The following PARD3 variants were observed in gnomAD, a reference collection of about 807,000 sequenced individuals.
The protein encoded by PARD3 is partitioning defective 3 homolog.
PARD3 carries 75 observed loss-of-function variants against 155.4 expected under a neutral mutation model. The ratio of observed to expected loss-of-function variants is 0.48; its 90% CI spans 0.40 to 0.58. The LOEUF (loss-of-function observed/expected upper bound fraction) is 0.58, where lower values mean the gene tolerates loss of function less well. Ranked by LOEUF, PARD3 falls within the 20% of genes least tolerant of loss-of-function variation. PARD3 has a pLI of 0.00. For missense variants in PARD3, 1,642 were observed against 1,721.7 expected (o/e 0.95, Z 0.82); for synonymous variants, 576 against 610.5 (o/e 0.94, Z 0.83).
At chr10:34,682,162 T>C (rs11009864) in intron 2 of PARD3, among the ~76,000 whole-genome samples, 3,112 of 152,278 alleles carry the variant, frequency 0.02, 106 homozygotes, top group African/African-American at 0.071. Flanking sequence ...TGCCTGATAG[T>C]GGACGGTCAT....
intron 2 of PARD3, among the ~76,000 whole-genome samples, chr10:34,548,879 A>G (rs558598393): frequency 6.6e-6 from 1 of 152,316 alleles, no homozygotes; most frequent in Admixed American, 6.5e-5. Flanking sequence ...ACTCTAAAAA[A>G]GCAGTCCACT....
At chr10:34,196,720 C>A (rs535506010) in intron 22 of PARD3, among the ~76,000 whole-genome samples, 1 of 151,928 alleles carries the variant, frequency 6.6e-6, no homozygotes, top group East Asian at 1.9e-4. Flanking sequence ...ACTACAGGTG[C>A]CCGCCACCAC....
intron 14 of PARD3, among the ~76,000 whole-genome samples, chr10:34,349,030 G>A (rs1837725066): frequency 6.6e-6 from 1 of 151,984 alleles, no homozygotes; most frequent in African/African-American, 2.4e-5. Context: ...TCCTCATAAC[G>A]CAGACTGTGA....
At chr10:34,741,174 A>ATTTTTT (rs71033345) in intron 1 of PARD3, among the ~76,000 whole-genome samples, 2,188 of 114,158 alleles carry the variant, frequency 0.019, 113 homozygotes, top group African/African-American at 0.057. Context: ...CGTAAACCAA[A>ATTTTTT]TTTTTTTTTT....
chr10:34,649,993 C>CA (rs1404488733), intron 2 of PARD3, among the ~76,000 whole-genome samples: 1 of 152,200 alleles, frequency 6.6e-6, no homozygotes, highest in East Asian at 1.9e-4. Context: ...CACTGTCTTC[C>CA]ACCAGCACCT....
At chr10:34,798,049 G>T (rs1842470255) in intron 1 of PARD3, among the ~76,000 whole-genome samples, 1 of 152,070 alleles carries the variant, frequency 6.6e-6, no homozygotes, top group East Asian at 1.9e-4. Flanking sequence ...ACTGGATATG[G>T]TAGCTCACCC....
chr10:34,186,953 C>G (rs2786552), intron 22 of PARD3, among the ~76,000 whole-genome samples: 84,580 of 152,048 alleles, frequency 0.56, 24,781 homozygotes, highest in African/African-American at 0.74. Flanking sequence ...ATTCGCTCCT[C>G]AAAAATCCCA....
At chr10:34,739,467 AC>A (rs1014468786) in intron 1 of PARD3, among the ~76,000 whole-genome samples, 2 of 152,190 alleles carry the variant, frequency 1.3e-5, no homozygotes, top group African/African-American at 4.8e-5. Flanking sequence ...CGTCCACCTG[AC>A]TTATATTAAT....
chr10:34,435,668 T>C (rs2076151419), intron 5 of PARD3, among the ~76,000 whole-genome samples: 3 of 152,204 alleles, frequency 2.0e-5, no homozygotes, highest in Non-Finnish European at 4.4e-5. Flanking sequence ...GAAGACCACA[T>C]TCATTCACAA....
At chr10:34,212,786 G>GA (rs2133412213) in intron 22 of PARD3, among the ~76,000 whole-genome samples, 1 of 152,120 alleles carries the variant, frequency 6.6e-6, no homozygotes, top group Admixed American at 6.5e-5. Flanking sequence ...GGATGAACTG[G>GA]AAAAAAAGAA....
chr10:34,366,472 G>A (rs1012055462), intron 12 of PARD3, among the ~76,000 whole-genome samples: 2 of 152,066 alleles, frequency 1.3e-5, no homozygotes, highest in Admixed American at 1.3e-4. Context: ...AAATTGAGGG[G>A]CACCTGGATA....
At chr10:34,169,207 T>G (rs1413761851) in intron 22 of PARD3, among the ~76,000 whole-genome samples, 1 of 152,252 alleles carries the variant, frequency 6.6e-6, no homozygotes, top group Non-Finnish European at 1.5e-5. Flanking sequence ...TTCTATGTGC[T>G]GTGCATTGCA....
chr10:34,344,444 G>A (rs1369773014), intron 15 of PARD3: 6 of 530,534 alleles, frequency 1.1e-5, no homozygotes, highest in East Asian at 1.5e-4. Context: ...CACAACATCC[G>A]GCTAATTTTT....
At chr10:34,513,704 TCTC>T (rs2081539083) in intron 3 of PARD3, among the ~76,000 whole-genome samples, 1 of 152,258 alleles carries the variant, frequency 6.6e-6, no homozygotes, top group African/African-American at 2.4e-5. Flanking sequence ...ACAAAATGTT[TCTC>T]AAGTTTTAAG....
At chr10:34,713,122 G>C (rs1321752396) in intron 1 of PARD3, among the ~76,000 whole-genome samples, 1 of 152,128 alleles carries the variant, frequency 6.6e-6, no homozygotes, top group Non-Finnish European at 1.5e-5. Context: ...TGAGGCAGGA[G>C]AATCACTTGA....
rs541723858 is a variant in PARD3 at position 34,268,006 on chromosome 10, A to C, written c.3419+1651T>G. 2.6e-5 allele frequency among the ~76,000 whole-genome samples: 4 copies of C among 152,298 alleles called. No individual in the cohort carries two copies. The South Asian group carries it at 8.3e-4, about 32-fold the overall frequency. On this transcript the variant is annotated intron_variant, in intron 22 of 24. Coordinates refer to ENST00000374788, the MANE Select transcript of PARD3 (RefSeq NM_001184785.2). ...CCTAAATAGAGCAACACTTATAAGA[A>C]ACCACTATGAGAGATGATGAGCTGA... is the stretch of plus-strand genomic sequence containing the variant.
chr10:34,462,187 G>C (rs2077694058), intron 4 of PARD3, among the ~76,000 whole-genome samples: 1 of 152,176 alleles, frequency 6.6e-6, no homozygotes, highest in African/African-American at 2.4e-5. Flanking sequence ...TTCTCAGCTG[G>C]ATCTCCCTTG....
In PARD3 at chr10:34,231,266, C is replaced by CAAAAAA. The variant is rs57175956; in HGVS notation, c.3419+38385_3419+38390dup. ...CTAGTGTTATTAATATAATCTTAGGCAAAAAAAAAAAAAAAAAAAAAAGAA... is the reference window on the plus strand; with the variant it reads ...CTAGTGTTATTAATATAATCTTAGGCAAAAAAAAAAAAAAAAAAAAAAAAAAAAGAA... On this transcript the variant is annotated intron_variant, in intron 22 of 24. Transcript: ENST00000374788. Among the ~76,000 whole-genome samples, 18 of 81,840 alleles carry CAAAAAA rather than the reference C, an allele frequency of 2.2e-4. 1 individual carries two copies. The highest frequency in any genetic ancestry group is 2.2e-4 in the Non-Finnish European group (10 of 44,490). The allele number at this position is 81,840 out of a possible 152,430, so 53.7% of individuals were successfully genotyped here.
At chr10:34,659,254 T>C (rs1055223654) in intron 2 of PARD3, among the ~76,000 whole-genome samples, 2 of 152,176 alleles carry the variant, frequency 1.3e-5, no homozygotes, top group Non-Finnish European at 2.9e-5. Flanking sequence ...AGAGCAAGAA[T>C]AAAATTATTT....
Sources: gnomAD v4.1 joint callset for allele counts (sites outside exome capture counted in the v4.1 genomes callset) on GRCh38, gnomAD v4.1.1 for gene constraint, MANE v1.5 for transcripts, NCBI Gene and HGNC (gene_info 2026-07-23, HGNC 2026-07-21) for gene names.